STYX: variants seen among roughly 807,000 people sequenced by gnomAD.
STYX encodes serine/threonine/tyrosine-interacting protein.
Under a neutral mutation model 42.7 loss-of-function variants are expected in STYX, and 20 were observed. That is an observed-to-expected ratio of 0.47 (90% CI 0.33 to 0.68). STYX has a LOEUF of 0.68. STYX is among the 30% of genes least tolerant of loss of function. The probability of loss-of-function intolerance (pLI) is 0.02; values close to 1 mark genes in which losing one functional copy is unlikely to be tolerated. For missense variants in STYX, 226 were observed against 268.5 expected, an observed-to-expected ratio of 0.84 and a Z score of 1.11; for synonymous variants, 78 against 81.9, an observed-to-expected ratio of 0.95 and a Z score of 0.26.
rs201915215 is a variant in STYX at position 52,730,538 on chromosome 14, C to G, written c.57+7C>G. 91 of 1,612,742 alleles carry G rather than the reference C, an allele frequency of 5.6e-5. No homozygotes were observed. In the African/African-American group the frequency reaches 8.7e-4, roughly 15 times the overall value. On this transcript the variant is annotated splice_region_variant and intron_variant, in intron 1 of 10. Transcript: ENST00000354586. ...GTGCAAGGAAGACGCCGAGGTGAGT[C>G]GCTCCCGTGGCTGCCACGCACAGGC...
At chr14:52,734,295 C>T (rs1040860940) in intron 1 of STYX, among the ~76,000 whole-genome samples, 2 of 152,172 alleles carry the variant, frequency 1.3e-5, no homozygotes, top group Non-Finnish European at 2.9e-5. Context: ...AGATTCCCTG[C>T]CTCCAGACCC....
chr14:52,730,673 C>A (rs563356579), intron 1 of STYX, 142 bp downstream of exon 1: 23 of 858,928 alleles, frequency 2.7e-5, no homozygotes, highest in Non-Finnish European at 3.9e-5. Flanking sequence ...TGAAGCCGAG[C>A]GGTCGGCTCC....
chr14:52,764,233 C>T (rs1253496885), intron 9 of STYX, among the ~76,000 whole-genome samples: 1 of 152,144 alleles, frequency 6.6e-6, no homozygotes, highest in Non-Finnish European at 1.5e-5. Context: ...CCTCATGATC[C>T]TCCCACCTCG....
intron 9 of STYX, among the ~76,000 whole-genome samples, chr14:52,764,541 T>C (rs7155968): frequency 0.51 from 77,693 of 151,898 alleles, 19,981 homozygotes; most frequent in South Asian, 0.57. Flanking sequence ...TCTTATCTAT[T>C]ATTATTTCAT....
At chr14:52,761,572 T>TG (rs1475075908) in intron 9 of STYX, among the ~76,000 whole-genome samples, 2 of 144,958 alleles carry the variant, frequency 1.4e-5, no homozygotes, top group South Asian at 2.3e-4. Context: ...AAAAGTTTTT[T>TG]TTTTTTTTTT....
chr14:52,770,791 T>C (rs957686345), intron 10 of STYX, among the ~76,000 whole-genome samples: 1 of 152,116 alleles, frequency 6.6e-6, no homozygotes, highest in African/African-American at 2.4e-5. Context: ...TCAAAAATTA[T>C]TTATTTTATA....
chr14:52,770,655 C>T (rs1882477055), intron 10 of STYX, among the ~76,000 whole-genome samples: 2 of 152,032 alleles, frequency 1.3e-5, no homozygotes, highest in Admixed American at 1.3e-4. Context: ...AAAAATTATA[C>T]AAATACAAGA....
intron 1 of STYX, among the ~76,000 whole-genome samples, chr14:52,731,925 T>C (rs1343946256): frequency 4.7e-5 from 7 of 149,956 alleles, no homozygotes; most frequent in African/African-American, 1.2e-4. Flanking sequence ...CTGGAGTAGC[T>C]GGGACCATGC....
intron 1 of STYX, among the ~76,000 whole-genome samples, chr14:52,737,165 A>G (rs1423225481): frequency 1.3e-5 from 2 of 152,134 alleles, no homozygotes; most frequent in African/African-American, 4.8e-5. Context: ...TCCCCTGTGG[A>G]TAAGGGGGGA....
At position 52,759,666 on chromosome 14, in the gene STYX, C is replaced by T; in HGVS notation, c.432-16C>T. On this transcript the variant is annotated splice_polypyrimidine_tract_variant and intron_variant, in intron 8 of 10. Transcript: ENST00000354586. ...TAAATAATGCTATCACATTAACACT[C>T]TTTTTCTGTTTTCAGAGATGCTTTT... 6.4e-7 allele frequency: 1 copy of T among 1,551,662 alleles called. No homozygotes were observed. The highest frequency in any genetic ancestry group is 8.9e-7 in the Non-Finnish European group (1 of 1,126,260).
chr14:52,760,635 T>G (rs1037569420), intron 9 of STYX, among the ~76,000 whole-genome samples: 1 of 152,222 alleles, frequency 6.6e-6, no homozygotes, highest in African/African-American at 2.4e-5. Context: ...TACCAAGGTT[T>G]AAATTTTATT....
chr14:52,756,333 A>AT (rs1322371041), intron 4 of STYX, among the ~76,000 whole-genome samples: 2 of 152,124 alleles, frequency 1.3e-5, no homozygotes, highest in East Asian at 1.9e-4. Context: ...AGCCTGATGG[A>AT]TTTTTTAAAT....
intron 1 of STYX, 116 bp from the exon 2 acceptor site, chr14:52,744,736 T>G (rs1881327997): frequency 3.3e-6 from 3 of 914,672 alleles, no homozygotes; most frequent in Non-Finnish European, 5.0e-6. Context: ...AATAAAATGT[T>G]CTTAAAGTAT....
At chr14:52,770,803 G>A (rs1882481884) in intron 10 of STYX, among the ~76,000 whole-genome samples, 1 of 151,886 alleles carries the variant, frequency 6.6e-6, no homozygotes, top group South Asian at 2.1e-4. Context: ...TATTTTATAT[G>A]CAATACCTAA....
intron 4 of STYX, among the ~76,000 whole-genome samples, chr14:52,756,208 G>A (rs976710386): frequency 2.0e-5 from 3 of 152,130 alleles, no homozygotes; most frequent in Non-Finnish European, 4.4e-5. Context: ...TAGAGATGGA[G>A]TCTCCCTCTG....
chr14:52,756,498 T>C (rs1417596164), intron 4 of STYX, 53 bp from the exon 5 acceptor site: 3 of 1,017,042 alleles, frequency 2.9e-6, no homozygotes, highest in Non-Finnish European at 4.4e-6. Context: ...TTTTTTAAAG[T>C]ACCTTAAGTG....
chr14:52,742,615 A>G (rs1195655944), intron 1 of STYX, among the ~76,000 whole-genome samples: 1 of 152,194 alleles, frequency 6.6e-6, no homozygotes. Flanking sequence ...AAGGCATTTC[A>G]GTGTGCTGAG....
chr14:52,751,063 T>C (rs189917146), intron 4 of STYX, among the ~76,000 whole-genome samples: 1 of 152,282 alleles, frequency 6.6e-6, no homozygotes, highest in East Asian at 1.9e-4. Flanking sequence ...GTACATTATT[T>C]TATCTCTTGA....
chr14:52,761,017 G>A (rs566768094), intron 9 of STYX, among the ~76,000 whole-genome samples: 2 of 152,142 alleles, frequency 1.3e-5, no homozygotes, highest in South Asian at 4.1e-4. Context: ...GTATTTGAAA[G>A]AATAGTATAT....
Sources: gnomAD v4.1 joint callset for allele counts (sites outside exome capture counted in the v4.1 genomes callset) on GRCh38, gnomAD v4.1.1 for gene constraint, MANE v1.5 for transcripts, NCBI Gene and HGNC (gene_info 2026-07-23, HGNC 2026-07-21) for gene names.